GNAI1: variants seen among roughly 807,000 people sequenced by gnomAD.
GNAI1 encodes the protein G protein subunit alpha i1.
A neutral mutation model predicts 38.9 loss-of-function variants in GNAI1; 11 were observed. The ratio of observed to expected loss-of-function variants is 0.28; its 90% CI spans 0.18 to 0.47. The LOEUF (loss-of-function observed/expected upper bound fraction) is 0.47, where lower values mean the gene tolerates loss of function less well. GNAI1 is among the 20% of genes least tolerant of loss of function. GNAI1 has a pLI of 0.99. For synonymous variants in GNAI1, 166 were observed against 145.1 expected (o/e 1.14, Z -1.04); for missense variants, 317 against 436.9 (o/e 0.73, Z 2.45).
At chr7:80,181,693 A>G (rs1788295202) in intron 1 of GNAI1, among the ~76,000 whole-genome samples, 1 of 152,160 alleles carries the variant, frequency 6.6e-6, no homozygotes, top group African/African-American at 2.4e-5. Context: ...TTAAAACCAC[A>G]TAAATGTATT....
At position 80,219,310 on chromosome 7, in the gene GNAI1, A is replaced by T. The variant is rs1789032268; in HGVS notation, c.*1817A>T. On this transcript the variant is annotated 3_prime_UTR_variant, in exon 8 of 8. Transcript: ENST00000649796. Reference sequence around the variant, plus strand: ...ATTATGGGTTAAAAAGCCACAAAGAAGCACATATTGGTGACCATCATTAAT... The same window carrying T: ...ATTATGGGTTAAAAAGCCACAAAGATGCACATATTGGTGACCATCATTAAT... 6.6e-6 allele frequency: 1 copy of T among 152,636 alleles called. No individual in the cohort carries two copies. Among genetic ancestry groups the T allele is most frequent in the Non-Finnish European group, 1.5e-5 (1 of 68,030 alleles). 9.5% of individuals were successfully genotyped at this position (152,636 alleles called of 1,614,324 possible).
At chr7:80,159,480 A>G (rs891713200) in intron 1 of GNAI1, among the ~76,000 whole-genome samples, 12 of 150,146 alleles carry the variant, frequency 8.0e-5, no homozygotes, top group African/African-American at 2.9e-4. Context: ...TCTTTTTTTG[A>G]AAAAAAGTGT....
At chr7:80,158,432 C>T (rs997534736) in intron 1 of GNAI1, among the ~76,000 whole-genome samples, 6 of 152,168 alleles carry the variant, frequency 3.9e-5, no homozygotes, top group Non-Finnish European at 5.9e-5. Flanking sequence ...TTCCCATAAT[C>T]TTCACGTGGG....
Position 80,219,780 on chromosome 7 carries a change from A to G in GNAI1, c.*2287A>G, listed in dbSNP as rs925453745. Among the ~76,000 whole-genome samples the G allele has an allele frequency of 1.3e-5, 2 of 152,156 alleles. No homozygotes were observed. Among genetic ancestry groups the G allele is most frequent in the Admixed American group, 6.5e-5 (1 of 15,272 alleles). ...GAACATGCAGGTTGGTTACATATGT[A>G]TACATGTGCCATGGTGGTTTGCTGC... On this transcript the variant is annotated 3_prime_UTR_variant, in exon 8 of 8. Coordinates refer to ENST00000649796, the MANE Select transcript of GNAI1 (RefSeq NM_002069.6).
intron 3 of GNAI1, among the ~76,000 whole-genome samples, chr7:80,192,091 C>T (rs1281808576): frequency 1.3e-5 from 2 of 152,134 alleles, no homozygotes; most frequent in African/African-American, 4.8e-5. Flanking sequence ...GCATATTAAT[C>T]CTTCCTTGCA....
At chr7:80,147,162 T>C (rs536452590) in intron 1 of GNAI1, among the ~76,000 whole-genome samples, 1 of 152,246 alleles carries the variant, frequency 6.6e-6, no homozygotes, top group African/African-American at 2.4e-5. Context: ...TTTTTCTGAC[T>C]GTTTTCCTCT....
chr7:80,156,424 T>C (rs895910320), intron 1 of GNAI1, among the ~76,000 whole-genome samples: 7 of 152,056 alleles, frequency 4.6e-5, no homozygotes, highest in Middle Eastern at 3.2e-3. Context: ...TCTACCCTTA[T>C]AAAGGAAAGC....
chr7:80,145,999 T>A (rs551325985), intron 1 of GNAI1, among the ~76,000 whole-genome samples: 1 of 152,248 alleles, frequency 6.6e-6, no homozygotes, highest in South Asian at 2.1e-4. Flanking sequence ...ATATGTTGCA[T>A]ACATTCCACA....
chr7:80,135,364 GA>G, intron 1 of GNAI1, 86 bp downstream of exon 1: 3 of 731,960 alleles, frequency 4.1e-6, no homozygotes, highest in East Asian at 3.4e-5. Context: ...AACCCGGAGG[GA>G]AGGGGGAGGA....
chr7:80,154,573 T>C (rs976171664), intron 1 of GNAI1, among the ~76,000 whole-genome samples: 6 of 152,212 alleles, frequency 3.9e-5, no homozygotes, highest in African/African-American at 1.2e-4. Context: ...TTTGGATTCT[T>C]CTTACATAAA....
intron 1 of GNAI1, among the ~76,000 whole-genome samples, chr7:80,180,868 CCT>C (rs1788282301): frequency 6.6e-6 from 1 of 152,108 alleles, no homozygotes; most frequent in South Asian, 2.1e-4. Flanking sequence ...TACTGTCAGG[CCT>C]CTCATGTCCT....
intron 5 of GNAI1, among the ~76,000 whole-genome samples, chr7:80,205,805 G>GTA (rs1169824701): frequency 6.6e-6 from 1 of 152,022 alleles, no homozygotes; most frequent in Non-Finnish European, 1.5e-5. Context: ...TGCAAATGGA[G>GTA]TATCCCATGT....
chr7:80,187,791 G>A (rs575580778), intron 1 of GNAI1, among the ~76,000 whole-genome samples: 12 of 152,290 alleles, frequency 7.9e-5, no homozygotes, highest in Non-Finnish European at 1.5e-4. Flanking sequence ...TCCATGTCTT[G>A]TGTCCTTTGC....
At chr7:80,191,392 T>C (rs1417480248) in intron 3 of GNAI1, among the ~76,000 whole-genome samples, 1 of 152,122 alleles carries the variant, frequency 6.6e-6, no homozygotes, top group Non-Finnish European at 1.5e-5. Flanking sequence ...TATTATTATA[T>C]TTATTGTTGT....
intron 1 of GNAI1, among the ~76,000 whole-genome samples, chr7:80,151,023 T>A (rs906444563): frequency 1.3e-5 from 2 of 152,202 alleles, no homozygotes; most frequent in African/African-American, 4.8e-5. Context: ...TTACAGAATA[T>A]TGTTCTCTTC....
intron 3 of GNAI1, among the ~76,000 whole-genome samples, chr7:80,190,973 T>C (rs1788470011): frequency 6.6e-6 from 1 of 152,180 alleles, no homozygotes; most frequent in African/African-American, 2.4e-5. Context: ...AAACCAGTTT[T>C]CTGATGCTTT....
intron 3 of GNAI1, among the ~76,000 whole-genome samples, chr7:80,192,059 A>G (rs1261503097): frequency 6.6e-6 from 1 of 152,038 alleles, no homozygotes; most frequent in East Asian, 1.9e-4. Flanking sequence ...ACCTTTTCAC[A>G]TTGATTCTGT....
intron 3 of GNAI1, among the ~76,000 whole-genome samples, chr7:80,191,396 T>C (rs1788477875): frequency 6.6e-6 from 1 of 152,154 alleles, no homozygotes; most frequent in African/African-American, 2.4e-5. Flanking sequence ...ATTATATTTA[T>C]TGTTGTTATT....
intron 4 of GNAI1, among the ~76,000 whole-genome samples, chr7:80,202,422 T>G (rs996847777): frequency 1.3e-5 from 2 of 152,156 alleles, no homozygotes; most frequent in Non-Finnish European, 1.5e-5. Context: ...AATCTGTGAG[T>G]AATCAAAGAA....
Sources: gnomAD v4.1 joint callset for allele counts (sites outside exome capture counted in the v4.1 genomes callset) on GRCh38, gnomAD v4.1.1 for gene constraint, MANE v1.5 for transcripts, NCBI Gene and HGNC (gene_info 2026-07-23, HGNC 2026-07-21) for gene names.